The following CSMD1 variants were observed in gnomAD, a reference collection of about 807,000 sequenced individuals.
The protein encoded by CSMD1 is CUB and Sushi multiple domains 1, also known as CUB and sushi domain-containing protein 1.
CSMD1 carries 213 observed loss-of-function variants against 417.5 expected under a neutral mutation model. The observed-to-expected ratio is 0.51, with a 90% confidence interval of 0.46 to 0.57. The LOEUF is 0.57. CSMD1 is among the 20% of genes least tolerant of loss of function. The pLI is 0.00. For synonymous variants in CSMD1, 2,862 were observed against 1,736.8 expected, an observed-to-expected ratio of 1.65 and a Z score of -16.11; for missense variants, 6,923 against 4,529.7, an observed-to-expected ratio of 1.53 and a Z score of -15.17.
intron 4 of CSMD1, among the ~76,000 whole-genome samples, chr8:4,011,606 T>C (rs983305052): frequency 2.6e-5 from 4 of 152,166 alleles, no homozygotes; most frequent in African/African-American, 7.2e-5. Context: ...AAGATCTCAG[T>C]GACATTTAAC....
At chr8:3,650,512 G>C (rs1472647394) in intron 7 of CSMD1, among the ~76,000 whole-genome samples, 1 of 152,252 alleles carries the variant, frequency 6.6e-6, no homozygotes, top group South Asian at 2.1e-4. Context: ...GGGCTACTGA[G>C]CCTTCATTCT....
intron 3 of CSMD1, among the ~76,000 whole-genome samples, chr8:4,306,474 C>G (rs1007335827): frequency 6.6e-6 from 1 of 152,174 alleles, no homozygotes; most frequent in Non-Finnish European, 1.5e-5. Context: ...ATTGTGAATG[C>G]CTCAGCAGGG....
At chr8:3,790,531 GATA>G (rs755719634) in intron 5 of CSMD1, among the ~76,000 whole-genome samples, 10 of 152,142 alleles carry the variant, frequency 6.6e-5, no homozygotes, top group Non-Finnish European at 1.3e-4. Context: ...GTGTGATGGT[GATA>G]ATAACAACAG....
At position 4,750,834 on chromosome 8, in the gene CSMD1, T is replaced by A. The variant is rs73661112; in HGVS notation, c.86-113276A>T. On this transcript the variant is annotated intron_variant, in intron 1 of 69. Coordinates refer to ENST00000635120, the MANE Select transcript of CSMD1 (RefSeq NM_033225.6). ...GCTTGTTTCAGTATCAAGGGTCTAC[T>A]GATAGCTGATGAGATATTGGGATTT... 7.0e-3 allele frequency among the ~76,000 whole-genome samples: 1,072 copies of A among 152,272 alleles called. 14 individuals are homozygous for A. Among genetic ancestry groups the A allele is most frequent in the African/African-American group, 0.025 (1,034 of 41,538 alleles).
intron 3 of CSMD1, among the ~76,000 whole-genome samples, chr8:4,179,698 C>G (rs1199981083): frequency 6.6e-6 from 1 of 151,938 alleles, no homozygotes; most frequent in Non-Finnish European, 1.5e-5. Context: ...GGGCTAATAT[C>G]CAGAATCTAC....
At chr8:4,591,060 T>C (rs1386610285) in intron 2 of CSMD1, among the ~76,000 whole-genome samples, 1 of 152,206 alleles carries the variant, frequency 6.6e-6, no homozygotes, top group Non-Finnish European at 1.5e-5. Context: ...TGTTCTTGTC[T>C]CCAACAGAAA....
At chr8:4,250,107 A>G (rs1166258417) in intron 3 of CSMD1, among the ~76,000 whole-genome samples, 1 of 152,164 alleles carries the variant, frequency 6.6e-6, no homozygotes, top group African/African-American at 2.4e-5. Flanking sequence ...ATGACTCAGC[A>G]AGAAAGCCCC....
chr8:3,154,609 C>T (rs771478907), intron 39 of CSMD1, among the ~76,000 whole-genome samples: 9 of 152,030 alleles, frequency 5.9e-5, no homozygotes, highest in East Asian at 1.9e-4. Context: ...AAGAGCCCTG[C>T]GGTGCAGTGA....
chr8:4,118,608 T>C (rs1802298389), intron 3 of CSMD1, among the ~76,000 whole-genome samples: 1 of 152,344 alleles, frequency 6.6e-6, no homozygotes, highest in South Asian at 2.1e-4. Context: ...CTGGCAAGGC[T>C]GTGGAGACTT....
At chr8:4,254,157 T>A (rs1403698101) in intron 3 of CSMD1, among the ~76,000 whole-genome samples, 1 of 152,026 alleles carries the variant, frequency 6.6e-6, no homozygotes, top group Non-Finnish European at 1.5e-5. Context: ...GACCTGGTGA[T>A]CCACCCGCCT....
intron 2 of CSMD1, among the ~76,000 whole-genome samples, chr8:4,543,685 A>G (rs1398610495): frequency 1.3e-5 from 2 of 149,844 alleles, no homozygotes; most frequent in South Asian, 4.2e-4. Flanking sequence ...AAAAAAAAAA[A>G]AAAAAAAAAA....
At chr8:4,742,828 T>C (rs924893988) in intron 1 of CSMD1, among the ~76,000 whole-genome samples, 1 of 152,170 alleles carries the variant, frequency 6.6e-6, no homozygotes, top group African/African-American at 2.4e-5. Context: ...TGTAGAGCAT[T>C]TTTATATATC....
chr8:3,499,581 T>TCC (rs1306300738), intron 10 of CSMD1, among the ~76,000 whole-genome samples: 1 of 152,006 alleles, frequency 6.6e-6, no homozygotes, highest in Non-Finnish European at 1.5e-5. Flanking sequence ...TCCAGGGTGC[T>TCC]TGTTGGTAGT....
At chr8:3,281,078 C>G (rs1018144980) in intron 26 of CSMD1, among the ~76,000 whole-genome samples, 2 of 152,148 alleles carry the variant, frequency 1.3e-5, no homozygotes, top group South Asian at 2.1e-4. Context: ...AACCTGCACA[C>G]AGATGTTTAG....
intron 2 of CSMD1, among the ~76,000 whole-genome samples, chr8:4,509,100 A>G (rs569927661): frequency 6.6e-6 from 1 of 152,322 alleles, no homozygotes; most frequent in African/African-American, 2.4e-5. Context: ...GAGGGAAAAA[A>G]GAAAATACTT....
intron 2 of CSMD1, among the ~76,000 whole-genome samples, chr8:4,637,111 G>C (rs2724977): frequency 2.6e-5 from 4 of 152,044 alleles, no homozygotes; most frequent in African/African-American, 7.2e-5. Flanking sequence ...AACTTTATTC[G>C]CTCTTAGCAA....
At chr8:4,639,090 TGTCAG>T (rs1325793595) in intron 1 of CSMD1, among the ~76,000 whole-genome samples, 1 of 152,120 alleles carries the variant, frequency 6.6e-6, no homozygotes, top group Non-Finnish European at 1.5e-5. Flanking sequence ...ATGCCTGCCT[TGTCAG>T]CCTCACCGAT....
At chr8:3,095,212 T>C (rs1815213110) in intron 47 of CSMD1, among the ~76,000 whole-genome samples, 1 of 152,194 alleles carries the variant, frequency 6.6e-6, no homozygotes, top group African/African-American at 2.4e-5. Flanking sequence ...TTATGTCCTT[T>C]GTAGGGATAT....
rs548022016 is a variant in CSMD1 at position 3,929,997 on chromosome 8, T to C, written c.818+67906A>G. Among the ~76,000 whole-genome samples, 18 of 150,542 alleles carry C rather than the reference T, an allele frequency of 1.2e-4. 2 individuals are homozygous for C. Among genetic ancestry groups the C allele is most frequent in the African/African-American group, 3.7e-4 (15 of 40,864 alleles). ...GATTAAATTTTTAAAAACTATTTTA[T>C]TGTTAATGCAAGGTTTTCTTCTTAC... On this transcript the variant is annotated intron_variant, in intron 5 of 69. Transcript: ENST00000635120.
Sources: gnomAD v4.1 joint callset for allele counts (sites outside exome capture counted in the v4.1 genomes callset) on GRCh38, gnomAD v4.1.1 for gene constraint, MANE v1.5 for transcripts, NCBI Gene and HGNC (gene_info 2026-07-23, HGNC 2026-07-21) for gene names.